Variants in CCDC177 observed in about 807,000 individuals in gnomAD.
The protein encoded by CCDC177 is coiled-coil domain containing 177.
A neutral mutation model predicts 7.3 loss-of-function variants in CCDC177; 2 were observed. The observed-to-expected ratio is 0.28, with a 90% confidence interval of 0.11 to 0.87. The LOEUF (loss-of-function observed/expected upper bound fraction) is 0.87. Ranked by LOEUF, CCDC177 falls within the 40% of genes least tolerant of loss-of-function variation. The pLI is 0.61. For missense variants in CCDC177, 874 were observed against 970.5 expected (o/e 0.90, Z 1.32); for synonymous variants, 401 against 449.2 (o/e 0.89, Z 1.36).
chr14:69,574,326 G>T (rs1884393802), intron 1 of CCDC177, among the ~76,000 whole-genome samples: 1 of 152,092 alleles, frequency 6.6e-6, no homozygotes, highest in Admixed American at 6.5e-5. Context: ...GTGTTTGCTG[G>T]GGATGGAGAA....
Position 69,573,336 on chromosome 14 carries a change from G to A in CCDC177, c.287C>T (p.Ser96Leu). The A allele has an allele frequency of 8.1e-7, 1 of 1,231,400 alleles. No individual in the cohort carries two copies. The highest frequency in any genetic ancestry group is 1.0e-6 in the Non-Finnish European group (1 of 987,720). 76.3% of individuals were successfully genotyped at this position (1,231,400 alleles called of 1,614,324 possible). Residue 96 changes from serine (S) to leucine (L), a missense_variant, in exon 2 of 2, where the codon TCG (serine) becomes TTG (leucine). Ser to Leu is a moderately radical substitution (Grantham distance 145). Transcript: ENST00000599174. Reference sequence around the variant, plus strand: ...CGCACAGCGGGCGCAGGCCTCTAGCGAGCGGGGGCTGGTCAGCACGTAGCG... The same window carrying A: ...CGCACAGCGGGCGCAGGCCTCTAGCAAGCGGGGGCTGGTCAGCACGTAGCG... ...GSRYVLTSPR[S>L]LEACARCAVK...
intron 1 of CCDC177, 31 bp from the exon 2 acceptor site, chr14:69,573,681 T>A: frequency 8.1e-7 from 1 of 1,231,578 alleles, no homozygotes; most frequent in East Asian, 3.2e-5. Flanking sequence ...CATCGAGGAA[T>A]ACGTCTGAGA....
Position 69,571,839 on chromosome 14 carries a change from C to T in CCDC177, c.1784G>A (p.Arg595Gln), listed in dbSNP as rs1468053522. ...GGCCACCTGCGTCGCGTGCTGCAGC[C>T]GTCGCTCCCCCGCCCGGGCCAGCGC... ...LEALARAGER[R>Q]LQHATQVAEE... Residue 595 changes from arginine to glutamine, a missense_variant, in exon 2 of 2, where the codon CGG (arginine) becomes CAG (glutamine). Coordinates refer to ENST00000599174, the MANE Select transcript of CCDC177 (RefSeq NM_001271507.2). 2 of 1,231,628 alleles carry T rather than the reference C, an allele frequency of 1.6e-6. No individual in the cohort carries two copies. Among genetic ancestry groups the T allele is most frequent in the Non-Finnish European group, 2.0e-6 (2 of 987,942 alleles). The allele number at this position is 1,231,628 out of a possible 1,614,324, so 76.3% of individuals were successfully genotyped here. A position where few individuals can be genotyped will look rare whatever the true frequency, so the allele number is the denominator to read the frequency against.
rs1368572170 is a variant in CCDC177, at chr14:69,574,617, C to G, written c.-104G>C. ...CCGCTGTCCCCTGCGCTTCTTCAGTCTCTGCGCCGGCGGGGTCGGGTTACT... is the reference window on the plus strand; with the variant it reads ...CCGCTGTCCCCTGCGCTTCTTCAGTGTCTGCGCCGGCGGGGTCGGGTTACT... On this transcript the variant is annotated 5_prime_UTR_variant, in exon 1 of 2. Transcript: ENST00000599174. 1 of 152,100 alleles carries G rather than the reference C, an allele frequency of 6.6e-6. No individual in the cohort carries two copies. Among genetic ancestry groups the G allele is most frequent in the African/African-American group, 2.4e-5 (1 of 41,394 alleles). 9.4% of individuals were successfully genotyped at this position (152,100 alleles called of 1,614,324 possible).
In CCDC177 at chr14:69,572,337, C is replaced by T; in HGVS notation, c.1286G>A (p.Arg429Gln). The T allele has an allele frequency of 8.2e-7, 1 of 1,225,660 alleles. No individual in the cohort carries two copies. The highest frequency in any genetic ancestry group is 1.0e-6 in the Non-Finnish European group (1 of 984,164). 75.9% of individuals were successfully genotyped at this position (1,225,660 alleles called of 1,614,324 possible). Residue 429 changes from arginine to glutamine, a missense_variant, in exon 2 of 2, where the codon CGG becomes CAG. Arg to Gln is a conservative substitution (Grantham distance 43). Coordinates refer to ENST00000599174, the MANE Select transcript of CCDC177 (RefSeq NM_001271507.2). ...GAGGCCCTGGCGTTCGGCCAGCTCC[C>T]GCCGCCGCTCCTCGCTGCGCTCGTA... ...RQYERSEERR[R>Q]ELAERQGLLR... is the part of the protein sequence containing the mutation.
Position 69,573,142 on chromosome 14 carries a change from G to C in CCDC177, c.481C>G (p.Arg161Gly), listed in dbSNP as rs1884370554. The C allele has an allele frequency of 1.6e-6, 2 of 1,228,880 alleles. No homozygotes were observed. Among genetic ancestry groups the C allele is most frequent in the Non-Finnish European group, 2.0e-6 (2 of 986,400 alleles). 76.1% of individuals were successfully genotyped at this position (1,228,880 alleles called of 1,614,324 possible). The change falls in exon 2 of 2, where the codon CGG becomes GGG. Residue 161 changes from arginine (R) to glycine (G), a missense_variant. Transcript: ENST00000599174. ...ERERIMREEK[R>G]RLFTPLSPAA... The stretch of plus-strand genomic sequence containing the variant: ...GGGCTCAAAGGCGTGAAAAGACGCC[G>C]CTTCTCCTCGCGCATGATGCGCTCG...
In CCDC177 at chr14:69,572,069, A is replaced by C. The variant is rs7142060; in HGVS notation, c.1554T>G (p.Gly518=). The change falls in exon 2 of 2, where the codon GGT becomes GGG. Residue 518 remains glycine (G), a synonymous_variant. Coordinates refer to ENST00000599174, the MANE Select transcript of CCDC177 (RefSeq NM_001271507.2). ...GCTCCTGGCGCTGCTGCCGGGTCCG[A>C]CCCTGTAGCAGCGCCTCGTGGCGCG... The part of the protein sequence containing the change: ...ERARHEALLQ[G]RTRQQRQERE... 1 of 1,231,106 alleles carries C rather than the reference A, an allele frequency of 8.1e-7. No individual in the cohort carries two copies. The highest frequency in any genetic ancestry group is 1.0e-6 in the Non-Finnish European group (1 of 987,718). The allele number at this position is 1,231,106 out of a possible 1,614,324, so 76.3% of individuals were successfully genotyped here. A position where few individuals can be genotyped will look rare whatever the true frequency, so the allele number is the denominator to read the frequency against.
At chr14:69,573,789 A>C in intron 1 of CCDC177, 139 bp from the exon 2 acceptor site, 8 of 814,000 alleles carry the variant, frequency 9.8e-6, no homozygotes, top group Non-Finnish European at 1.2e-5. Context: ...CATAAAACCG[A>C]TGTCGGAAAG....
At position 69,573,028 on chromosome 14, in the gene CCDC177, A is replaced by G. The variant is rs1270797327; in HGVS notation, c.595T>C (p.Ser199Pro). ...SSCSSASLPA[S>P]PAPRAARKAS... The stretch of plus-strand genomic sequence containing the variant: ...TTGCGGGCCGCACGCGGCGCGGGCG[A>G]GGCCGGGAGGCTGGCGCTGCTGCAG... Residue 199 changes from serine (S) to proline (P), a missense_variant, in exon 2 of 2, where the codon TCG becomes CCG. Coordinates refer to ENST00000599174, the MANE Select transcript of CCDC177 (RefSeq NM_001271507.2). 1.6e-6 allele frequency: 2 copies of G among 1,227,614 alleles called. No homozygotes were observed. The highest frequency in any genetic ancestry group is 2.0e-6 in the Non-Finnish European group (2 of 986,222). 76.0% of individuals were successfully genotyped at this position (1,227,614 alleles called of 1,614,324 possible). A position where few individuals can be genotyped will look rare whatever the true frequency, so the allele number is the denominator to read the frequency against.
Position 69,573,204 on chromosome 14 carries a change from T to C in CCDC177, c.419A>G (p.Glu140Gly), listed in dbSNP as rs1367651052. 29 of 1,230,590 alleles carry C rather than the reference T, an allele frequency of 2.4e-5. No individual in the cohort carries two copies. Among genetic ancestry groups the C allele is most frequent in the Non-Finnish European group, 2.9e-5 (29 of 987,402 alleles). 76.2% of individuals were successfully genotyped at this position (1,230,590 alleles called of 1,614,324 possible). The change falls in exon 2 of 2, where the codon GAG (glutamate) becomes GGG (glycine). Residue 140 changes from glutamate to glycine, a missense_variant. Glu to Gly is a moderately conservative substitution (Grantham distance 98, BLOSUM62 -2). Transcript: ENST00000599174. ...ATGLYEAYEA[E>G]RRAKLQQCRA... The stretch of plus-strand genomic sequence containing the variant: ...GCATTGCTGCAGCTTGGCGCGCCGC[T>C]CCGCCTCGTAGGCCTCATACAGGCC...
In CCDC177 at chr14:69,572,680, C is replaced by T. The variant is rs1884355329; in HGVS notation, c.943G>A (p.Ala315Thr). 2 of 1,231,372 alleles carry T rather than the reference C, an allele frequency of 1.6e-6. No individual in the cohort carries two copies. Among genetic ancestry groups the T allele is most frequent in the Non-Finnish European group, 2.0e-6 (2 of 987,670 alleles). The allele number at this position is 1,231,372 out of a possible 1,614,324, so 76.3% of individuals were successfully genotyped here. ...LGDLSHSPQT[A>T]QHVERIVRQV... ...CGCACGATGCGCTCCACGTGCTGAG[C>T]GGTCTGCGGCGAATGGCTCAGGTCG... The change falls in exon 2 of 2, where the codon GCT becomes ACT. Residue 315 changes from alanine (A) to threonine (T), a missense_variant. Transcript: ENST00000599174.
chr14:69,572,221 G>A lies in CCDC177; in HGVS notation c.1402C>T (p.Leu468=), dbSNP rs1465821005. The change falls in exon 2 of 2, where the codon CTA becomes TTA. Residue 468 remains leucine, a synonymous_variant. Coordinates refer to ENST00000599174, the MANE Select transcript of CCDC177 (RefSeq NM_001271507.2). ...EQNLKQREEG[L]QEGRERAEQI... Reference sequence around the variant, plus strand: ...TCAGCCCGCTCCCGCCCTTCCTGTAGACCTTCCTCACGTTGCTTCAGGTTC... The same window carrying A: ...TCAGCCCGCTCCCGCCCTTCCTGTAAACCTTCCTCACGTTGCTTCAGGTTC... 7 of 1,229,448 alleles carry A rather than the reference G, an allele frequency of 5.7e-6. No homozygotes were observed. The highest frequency in any genetic ancestry group is 5.1e-6 in the Non-Finnish European group (5 of 986,628). 76.2% of individuals were successfully genotyped at this position (1,229,448 alleles called of 1,614,324 possible).
Position 69,571,846 on chromosome 14 carries a change from C to T in CCDC177, c.1777G>A (p.Glu593Lys). Residue 593 changes from glutamate to lysine, a missense_variant, in exon 2 of 2, where the codon GAG becomes AAG. By Grantham distance (56) the Glu-to-Lys change is moderately conservative. Transcript: ENST00000599174. ...AHLEALARAG[E>K]RRLQHATQVA... is the part of the protein sequence containing the mutation. ...TGCGTCGCGTGCTGCAGCCGTCGCT[C>T]CCCCGCCCGGGCCAGCGCCTCCAGG... 1 of 1,231,694 alleles carries T rather than the reference C, an allele frequency of 8.1e-7. No individual in the cohort carries two copies. The highest frequency in any genetic ancestry group is 1.0e-6 in the Non-Finnish European group (1 of 987,984). 76.3% of individuals were successfully genotyped at this position (1,231,694 alleles called of 1,614,324 possible).
intron 1 of CCDC177, among the ~76,000 whole-genome samples, chr14:69,574,093 G>T (rs1341715070): frequency 6.6e-6 from 1 of 152,220 alleles, no homozygotes; most frequent in South Asian, 2.1e-4. Flanking sequence ...AAAGCAAGAG[G>T]CCTGTTCATC....
chr14:69,573,447 G>A lies in CCDC177; in HGVS notation c.176C>T (p.Ala59Val). The A allele has an allele frequency of 8.1e-7, 1 of 1,231,512 alleles. No homozygotes were observed. Among genetic ancestry groups the A allele is most frequent in the African/African-American group, 1.5e-5 (1 of 64,532 alleles). The allele number at this position is 1,231,512 out of a possible 1,614,324, so 76.3% of individuals were successfully genotyped here. The change falls in exon 2 of 2, where the codon GCA becomes GTA. Residue 59 changes from alanine (A) to valine (V), a missense_variant. By Grantham distance (64) the Ala-to-Val change is moderately conservative. Coordinates refer to ENST00000599174, the MANE Select transcript of CCDC177 (RefSeq NM_001271507.2). ...AVPRKAEVPC[A>V]AAEGGRREQS... ...CTCCCGCCGCCCGCCTTCTGCGGCT[G>A]CACATGGGACTTCTGCCTTGCGGGG...
At position 69,570,413 on chromosome 14, in the gene CCDC177, A is replaced by T. The variant is rs1884298547; in HGVS notation, c.*1086T>A. The stretch of plus-strand genomic sequence containing the variant: ...TGGGGGCAGGTGGAGAAGGTACACG[A>T]CCACTGATAGTGAACACAACTCTCA... On this transcript the variant is annotated 3_prime_UTR_variant, in exon 2 of 2. Transcript: ENST00000599174. The T allele has an allele frequency of 5.1e-6, 1 of 195,020 alleles. No individual in the cohort carries two copies. Among genetic ancestry groups the T allele is most frequent in the Admixed American group, 5.3e-5 (1 of 18,758 alleles). The allele number at this position is 195,020 out of a possible 1,614,324, so 12.1% of individuals were successfully genotyped here. A position where few individuals can be genotyped will look rare whatever the true frequency, so the allele number is the denominator to read the frequency against.
chr14:69,570,835 ATTATC>A lies in CCDC177; in HGVS notation c.*659_*663del, dbSNP rs1200223130. The stretch of plus-strand genomic sequence containing the variant: ...AGGGGGCAAAGGACAAAAATTGAAC[ATTATC>A]TGCAGATGACTGTCTAACTAGAAAA... On this transcript the variant is annotated 3_prime_UTR_variant, in exon 2 of 2. Transcript: ENST00000599174. 1.3e-5 allele frequency: 6 copies of A among 453,802 alleles called. No homozygotes were observed. Among genetic ancestry groups the A allele is most frequent in the African/African-American group, 4.0e-5 (2 of 49,984 alleles). 28.1% of individuals were successfully genotyped at this position (453,802 alleles called of 1,614,324 possible). A position where few individuals can be genotyped will look rare whatever the true frequency, so the allele number is the denominator to read the frequency against.
In CCDC177 at chr14:69,573,196, C is replaced by T; in HGVS notation, c.427G>A (p.Ala143Thr). Residue 143 changes from alanine to threonine, a missense_variant, in exon 2 of 2, where the codon GCC becomes ACC. Coordinates refer to ENST00000599174, the MANE Select transcript of CCDC177 (RefSeq NM_001271507.2). ...LYEAYEAERR[A>T]KLQQCRAERE... ...TCGGCCCGGCATTGCTGCAGCTTGG[C>T]GCGCCGCTCCGCCTCGTAGGCCTCA... is the stretch of plus-strand genomic sequence containing the variant. 1 of 1,230,850 alleles carries T rather than the reference C, an allele frequency of 8.1e-7. No homozygotes were observed. Among genetic ancestry groups the T allele is most frequent in the Non-Finnish European group, 1.0e-6 (1 of 987,350 alleles). 76.2% of individuals were successfully genotyped at this position (1,230,850 alleles called of 1,614,324 possible).
In CCDC177 at chr14:69,574,761, T is replaced by G. The variant is rs186532816; in HGVS notation, c.-248A>C. 8 of 152,250 alleles carry G rather than the reference T, an allele frequency of 5.3e-5. No individual in the cohort carries two copies. Among genetic ancestry groups the G allele is most frequent in the African/African-American group, 1.7e-4 (7 of 41,520 alleles). The allele number at this position is 152,250 out of a possible 1,614,324, so 9.4% of individuals were successfully genotyped here. On this transcript the variant is annotated 5_prime_UTR_variant, in exon 1 of 2. Transcript: ENST00000599174. ...ACACGTGGGAGGGGGAGTGCGACAA[T>G]GTCTCCCTAAAATAACGCGGCTCTG...
Sources: allele counts gnomAD v4.1 joint callset (sites outside exome capture counted in the v4.1 genomes callset), GRCh38; gene constraint gnomAD v4.1.1; transcripts MANE v1.5; gene names NCBI Gene and HGNC (gene_info 2026-07-23, HGNC 2026-07-21).